ATP13A5: variants seen among roughly 807,000 people sequenced by gnomAD.
ATP13A5 encodes the protein probable cation-transporting ATPase 13A5.
Under a neutral mutation model 150.2 loss-of-function variants are expected in ATP13A5, and 149 were observed. The ratio of observed to expected loss-of-function variants is 0.99; its 90% CI spans 0.87 to 1.14. The LOEUF (loss-of-function observed/expected upper bound fraction) is 1.14. Ranked by LOEUF, ATP13A5 falls within the 50% of genes most tolerant of loss-of-function variation. ATP13A5 has a pLI of 0.00. For synonymous variants in ATP13A5, 497 were observed against 522.2 expected (o/e 0.95, Z 0.66); for missense variants, 1,383 against 1,449.3 (o/e 0.95, Z 0.74).
At position 193,301,255 on chromosome 3, in the gene ATP13A5, T is replaced by C; in HGVS notation, c.2731A>G (p.Met911Val). Reference sequence around the variant, plus strand: ...CTGATAAACTGGATTATGCCGTACATGGTCAAGTATTTAAATACTCCAAAG... The same window carrying C: ...CTGATAAACTGGATTATGCCGTACACGGTCAAGTATTTAAATACTCCAAAG... ...SSFGVFKYLT[M>V]YGIIQFISAL... Residue 911 changes from methionine to valine, a missense_variant, in exon 24 of 30, where the codon ATG (methionine) becomes GTG (valine). By Grantham distance (21) the Met-to-Val change is conservative. Coordinates refer to ENST00000342358, the MANE Select transcript of ATP13A5 (RefSeq NM_198505.4). 2 of 1,613,550 alleles carry C rather than the reference T, an allele frequency of 1.2e-6. No individual in the cohort carries two copies. Among genetic ancestry groups the C allele is most frequent in the Admixed American group, 3.3e-5 (2 of 59,974 alleles).
chr3:193,362,821 G>A (rs921882474), intron 3 of ATP13A5, among the ~76,000 whole-genome samples, 184 bp from the exon 4 acceptor site: 1 of 65,964 alleles, frequency 1.5e-5, no homozygotes, highest in Non-Finnish European at 3.5e-5. Context: ...TTCAGACAGG[G>A]TCTCACTCTG....
intron 1 of ATP13A5, among the ~76,000 whole-genome samples, chr3:193,367,352 C>T (rs1233253422): frequency 3.9e-5 from 6 of 152,068 alleles, no homozygotes; most frequent in Admixed American, 3.9e-4. Flanking sequence ...AATTTAAAAG[C>T]TCCCTGCAAA....
chr3:193,313,567 G>A (rs1315963440), intron 19 of ATP13A5: 1 of 156,868 alleles, frequency 6.4e-6, no homozygotes, highest in Non-Finnish European at 1.4e-5. Context: ...CCGTGGATCT[G>A]TGTGGAATCA....
intron 25 of ATP13A5, among the ~76,000 whole-genome samples, chr3:193,298,017 C>T (rs900015085): frequency 2.6e-5 from 4 of 152,084 alleles, no homozygotes; most frequent in South Asian, 2.1e-4. Context: ...GTAATGAGTG[C>T]TCAGTGTGTC....
chr3:193,351,278 AT>A (rs940432265), intron 6 of ATP13A5, 77 bp from the exon 7 acceptor site: 17 of 1,538,522 alleles, frequency 1.1e-5, no homozygotes, highest in African/African-American at 1.4e-5. Context: ...TTCATTATCA[AT>A]TTTTTTCTCA....
intron 22 of ATP13A5, among the ~76,000 whole-genome samples, chr3:193,306,222 C>T (rs539277266): frequency 6.6e-6 from 1 of 151,404 alleles, no homozygotes; most frequent in Non-Finnish European, 1.5e-5. Flanking sequence ...AGGACATTTT[C>T]TTCTTCCTCT....
intron 2 of ATP13A5, among the ~76,000 whole-genome samples, chr3:193,363,586 CA>C: frequency 6.6e-6 from 1 of 152,238 alleles, no homozygotes; most frequent in Admixed American, 6.5e-5. Context: ...ATCCTTGTTT[CA>C]ATGAGCCCTC....
At chr3:193,290,233 C>G (rs918247160) in intron 25 of ATP13A5, among the ~76,000 whole-genome samples, 174 bp from the exon 26 acceptor site, 1 of 152,072 alleles carries the variant, frequency 6.6e-6, no homozygotes, top group African/African-American at 2.4e-5. Flanking sequence ...GTTCCACCAG[C>G]CTTTGTCTCT....
At chr3:193,321,317 T>C (rs903596790) in intron 16 of ATP13A5, among the ~76,000 whole-genome samples, 1 of 152,124 alleles carries the variant, frequency 6.6e-6, no homozygotes, top group African/African-American at 2.4e-5. Context: ...TGTGAAGCTT[T>C]CTGTGTTTGT....
intron 1 of ATP13A5, among the ~76,000 whole-genome samples, chr3:193,374,489 T>A (rs948431782): frequency 1.1e-4 from 16 of 151,994 alleles, no homozygotes; most frequent in Admixed American, 6.6e-4. Context: ...CTGAAATTTT[T>A]AAAAAATTAA....
chr3:193,285,146 C>T (rs771557768), intron 26 of ATP13A5, 30 bp from the exon 27 acceptor site: 3 of 1,564,354 alleles, frequency 1.9e-6, no homozygotes, highest in East Asian at 2.3e-5. Context: ...GTTTATGAAA[C>T]ATTTGATTCC....
intron 1 of ATP13A5, among the ~76,000 whole-genome samples, chr3:193,368,741 A>G (rs1428734621): frequency 6.6e-6 from 1 of 152,092 alleles, no homozygotes; most frequent in Non-Finnish European, 1.5e-5. Flanking sequence ...ATAAATGAGT[A>G]CAATCCCCCC....
chr3:193,331,879 G>C (rs1014971945), intron 11 of ATP13A5, among the ~76,000 whole-genome samples: 2 of 152,118 alleles, frequency 1.3e-5, no homozygotes, highest in Admixed American at 6.6e-5. Context: ...GGAAACTGAG[G>C]TTTTAACAAT....
intron 28 of ATP13A5, among the ~76,000 whole-genome samples, chr3:193,278,642 A>T (rs1190348079): frequency 1.3e-5 from 2 of 152,222 alleles, no homozygotes; most frequent in African/African-American, 4.8e-5. Flanking sequence ...TTTTGAACCC[A>T]GGTCAAGTTG....
intron 25 of ATP13A5, among the ~76,000 whole-genome samples, chr3:193,294,414 C>T (rs996210280): frequency 2.6e-5 from 4 of 152,030 alleles, no homozygotes; most frequent in East Asian, 1.9e-4. Flanking sequence ...TTAAAAATGC[C>T]GCTACACAAA....
chr3:193,317,105 C>T (rs1719078954), intron 17 of ATP13A5, among the ~76,000 whole-genome samples: 1 of 152,210 alleles, frequency 6.6e-6, no homozygotes, highest in Non-Finnish European at 1.5e-5. Flanking sequence ...CTACAACACT[C>T]CCAGCAGTGC....
At chr3:193,305,058 G>C (rs1199548944) in intron 23 of ATP13A5, among the ~76,000 whole-genome samples, 2 of 152,156 alleles carry the variant, frequency 1.3e-5, no homozygotes, top group South Asian at 2.1e-4. Flanking sequence ...TGAGATTTGG[G>C]TGGGAACACA....
rs774427864 is a variant in ATP13A5, at chr3:193,275,336, T to C, written c.3397-34A>G. 3 of 1,604,544 alleles carry C rather than the reference T, an allele frequency of 1.9e-6. No individual in the cohort carries two copies. In the African/African-American group the frequency reaches 4.0e-5, roughly 21 times the overall value. On this transcript the variant is annotated intron_variant, in intron 29 of 29. Coordinates refer to ENST00000342358, the MANE Select transcript of ATP13A5 (RefSeq NM_198505.4). ...TCAGATGGGAAAACAATCAATTTAT[T>C]GCGCAGGTCCCCCTGCAGCCAGGCC...
At chr3:193,342,969 A>G (rs1299925371) in intron 9 of ATP13A5, among the ~76,000 whole-genome samples, 1 of 152,180 alleles carries the variant, frequency 6.6e-6, no homozygotes, top group Admixed American at 6.5e-5. Flanking sequence ...ACATTTCAAC[A>G]CATTAAAGGA....
Sources: allele counts gnomAD v4.1 joint callset (sites outside exome capture counted in the v4.1 genomes callset), GRCh38; gene constraint gnomAD v4.1.1; transcripts MANE v1.5; gene names NCBI Gene and HGNC (gene_info 2026-07-23, HGNC 2026-07-21).